KMT2E: variants seen among roughly 807,000 people sequenced by gnomAD.
KMT2E encodes lysine methyltransferase 2E (inactive).
In KMT2E, 30 loss-of-function variants were observed where a neutral mutation model predicts 184.6. That is an observed-to-expected ratio of 0.16 (90% CI 0.12 to 0.22). KMT2E has a LOEUF of 0.22. Ranked by LOEUF, KMT2E falls within the 10% of genes least tolerant of loss-of-function variation. The pLI is 1.00. For synonymous variants in KMT2E, 815 were observed against 776.5 expected (o/e 1.05, Z -0.82); for missense variants, 2,023 against 2,237.4 (o/e 0.90, Z 1.93).
chr7:105,065,559 TTTG>T (rs1447374995), intron 5 of KMT2E, among the ~76,000 whole-genome samples: 1 of 152,166 alleles, frequency 6.6e-6, no homozygotes, highest in Non-Finnish European at 1.5e-5. Flanking sequence ...CCTACAGTAC[TTTG>T]TTTTTTCCTA....
intron 15 of KMT2E, among the ~76,000 whole-genome samples, chr7:105,096,339 A>G (rs2129569179): frequency 6.6e-6 from 1 of 152,176 alleles, no homozygotes; most frequent in Non-Finnish European, 1.5e-5. Context: ...TATTTCCAAA[A>G]TAATTTTTCA....
rs1449511787 is a variant in KMT2E, at chr7:105,112,610, C to T, written c.4854C>T (p.His1618=). 1 of 1,614,032 alleles carries T rather than the reference C, an allele frequency of 6.2e-7. No homozygotes were observed. Among genetic ancestry groups the T allele is most frequent in the Non-Finnish European group, 8.5e-7 (1 of 1,180,004 alleles). ...HFLPSQNPTI[H]HQTAAAVVPP... ...TGCCCTCTCAGAACCCTACCATTCA[C>T]CATCAAACTGCTGCTGCCGTAGTCC... Residue 1618 remains histidine, a synonymous_variant, in exon 27 of 27, where the codon CAC becomes CAT. Coordinates refer to ENST00000311117, the MANE Select transcript of KMT2E (RefSeq NM_182931.3).
intron 14 of KMT2E, 91 bp downstream of exon 14, chr7:105,090,364 T>G: frequency 7.2e-7 from 1 of 1,386,196 alleles, no homozygotes; most frequent in Non-Finnish European, 9.8e-7. Context: ...TATAATTGTT[T>G]AAAGTATTTT....
In KMT2E at chr7:105,090,415, A is replaced by G. The variant is rs1012587186; in HGVS notation, c.1623+142A>G. Reference sequence around the variant, plus strand: ...ATTTAATGAAGTATTCATAAGTGTAAAATACAAGTTCTGCTAGAATTTGTA... The same window carrying G: ...ATTTAATGAAGTATTCATAAGTGTAGAATACAAGTTCTGCTAGAATTTGTA... On this transcript the variant is annotated intron_variant, in intron 14 of 26. Coordinates refer to ENST00000311117, the MANE Select transcript of KMT2E (RefSeq NM_182931.3). 119 of 960,304 alleles carry G rather than the reference A, an allele frequency of 1.2e-4. No individual in the cohort carries two copies. The Admixed American group carries it at 1.7e-3, about 13-fold the overall frequency. 59.5% of individuals were successfully genotyped at this position (960,304 alleles called of 1,614,324 possible). A position where few individuals can be genotyped will look rare whatever the true frequency, so the allele number is the denominator to read the frequency against.
In KMT2E at chr7:105,114,833, C is replaced by T. The variant is rs1799538419; in HGVS notation, c.*1500C>T. Among the ~76,000 whole-genome samples the T allele has an allele frequency of 6.6e-6, 1 of 152,182 alleles. No homozygotes were observed. The highest frequency in any genetic ancestry group is 1.5e-5 in the Non-Finnish European group (1 of 68,024). On this transcript the variant is annotated 3_prime_UTR_variant, in exon 27 of 27. Coordinates refer to ENST00000311117, the MANE Select transcript of KMT2E (RefSeq NM_182931.3). ...CTCACTTAGGGCTCAATCCTAATCACAGCTTCAAATTTTAGAAGAACATAT... is the reference window on the plus strand; with the variant it reads ...CTCACTTAGGGCTCAATCCTAATCATAGCTTCAAATTTTAGAAGAACATAT...
chr7:105,110,336 T>G lies in KMT2E; in HGVS notation c.3812T>G (p.Leu1271Arg). The change falls in exon 24 of 27, where the codon CTT becomes CGT. Residue 1271 changes from leucine (L) to arginine (R), a missense_variant. By Grantham distance (102) the Leu-to-Arg change is moderately radical (BLOSUM62 -2). Transcript: ENST00000311117. ...VRERSYQRAL[L>R]LSDHRKDKDS... ...GAAAGGAGTTATCAGAGAGCTTTAC[T>G]TCTCAGTGATCACCGAAAAGATAAA... The G allele has an allele frequency of 6.2e-7, 1 of 1,614,190 alleles. No individual in the cohort carries two copies. The highest frequency in any genetic ancestry group is 1.1e-5 in the South Asian group (1 of 91,084).
At chr7:105,081,576 TC>T in intron 12 of KMT2E, 111 bp from the exon 13 acceptor site, 1 of 667,728 alleles carries the variant, frequency 1.5e-6, no homozygotes, top group Non-Finnish European at 2.6e-6. Flanking sequence ...TGACATATTT[TC>T]CAGGTTGTGT....
chr7:105,031,089 G>C (rs993598245), intron 1 of KMT2E, among the ~76,000 whole-genome samples: 9 of 152,114 alleles, frequency 5.9e-5, no homozygotes, highest in African/African-American at 2.2e-4. Context: ...GGGCACGGTG[G>C]CTCATGCCTG....
intron 12 of KMT2E, among the ~76,000 whole-genome samples, chr7:105,079,185 G>GA (rs1162152647): frequency 6.6e-6 from 1 of 151,052 alleles, no homozygotes; most frequent in Non-Finnish European, 1.5e-5. Context: ...GCCCAGGCTG[G>GA]AATACAATGG....
chr7:105,101,863 C>CT (rs1798670096), intron 16 of KMT2E, 23 bp from the exon 17 acceptor site: 38 of 1,563,396 alleles, frequency 2.4e-5, no homozygotes, highest in Non-Finnish European at 3.3e-5. Context: ...TAAAAACTTC[C>CT]ATTCGCTTGT....
intron 1 of KMT2E, among the ~76,000 whole-genome samples, chr7:105,028,584 C>G (rs1262779525): frequency 2.6e-5 from 4 of 152,122 alleles, no homozygotes; most frequent in South Asian, 2.1e-4. Flanking sequence ...CTCCACCTCC[C>G]AGGCTCAAGC....
intron 3 of KMT2E, among the ~76,000 whole-genome samples, chr7:105,056,028 C>CAG (rs1796560508): frequency 6.6e-6 from 1 of 151,906 alleles, no homozygotes; most frequent in South Asian, 2.1e-4. Context: ...TCCTTGAAGG[C>CAG]AGAGACAGTG....
Position 105,033,783 on chromosome 7 carries a change from G to A in KMT2E, c.-188-4343G>A, listed in dbSNP as rs1795522902. Reference sequence around the variant, plus strand: ...CAAAGTGCTGGGATTACAGGTGTGAGCTACTGCGCCCGGCCCAAAGGGTTT... The same window carrying A: ...CAAAGTGCTGGGATTACAGGTGTGAACTACTGCGCCCGGCCCAAAGGGTTT... On this transcript the variant is annotated intron_variant, in intron 1 of 26. Transcript: ENST00000311117. 2.0e-5 allele frequency among the ~76,000 whole-genome samples: 3 copies of A among 152,320 alleles called. No individual in the cohort carries two copies. The South Asian group carries it at 6.2e-4, about 32-fold the overall frequency.
At chr7:105,066,648 A>T (rs1437376418) in intron 5 of KMT2E, 79 bp from the exon 6 acceptor site, 2 of 1,106,646 alleles carry the variant, frequency 1.8e-6, no homozygotes, top group African/African-American at 3.1e-5. Context: ...TTATTAAATG[A>T]TAGTTAAATG....
At chr7:105,052,278 T>C (rs981549596) in intron 3 of KMT2E, among the ~76,000 whole-genome samples, 4 of 152,204 alleles carry the variant, frequency 2.6e-5, no homozygotes, top group African/African-American at 9.6e-5. Flanking sequence ...TCTGCCTGGA[T>C]CATTCTTATG....
chr7:105,041,600 C>T (rs1795884740), intron 3 of KMT2E, among the ~76,000 whole-genome samples: 1 of 152,140 alleles, frequency 6.6e-6, no homozygotes, highest in Non-Finnish European at 1.5e-5. Context: ...GGGGTTTCAT[C>T]ATTTTGGCTA....
intron 3 of KMT2E, among the ~76,000 whole-genome samples, chr7:105,049,852 C>T (rs1347867194): frequency 6.6e-6 from 1 of 152,088 alleles, no homozygotes; most frequent in Non-Finnish European, 1.5e-5. Flanking sequence ...GATCATGCCA[C>T]TGCACTCCAG....
At position 105,049,817 on chromosome 7, in the gene KMT2E, G is replaced by A. The variant is rs901754348; in HGVS notation, c.71+8794G>A. 3.3e-5 allele frequency among the ~76,000 whole-genome samples: 5 copies of A among 152,086 alleles called. No individual in the cohort carries two copies. In the East Asian group the frequency reaches 7.7e-4, roughly 23 times the overall value. On this transcript the variant is annotated intron_variant, in intron 3 of 26. Transcript: ENST00000311117. The stretch of plus-strand genomic sequence containing the variant: ...CACGCAGGAGAATTGCTTGAACTCG[G>A]GAGGCAGAGGTTGCAGTGAGCTGAG...
At chr7:105,099,990 G>A (rs1315484429) in intron 15 of KMT2E, among the ~76,000 whole-genome samples, 1 of 152,056 alleles carries the variant, frequency 6.6e-6, no homozygotes, top group African/African-American at 2.4e-5. Flanking sequence ...CAAAAATAAG[G>A]AATTTTGTAA....
Sources: allele counts gnomAD v4.1 joint callset (sites outside exome capture counted in the v4.1 genomes callset), GRCh38; gene constraint gnomAD v4.1.1; transcripts MANE v1.5; gene names NCBI Gene and HGNC (gene_info 2026-07-23, HGNC 2026-07-21).